The following HPSE2 variants were observed in gnomAD, a reference collection of about 807,000 sequenced individuals.
HPSE2 encodes inactive heparanase-2.
HPSE2 carries 38 observed loss-of-function variants against 60.5 expected under a neutral mutation model. That is an observed-to-expected ratio of 0.63 (90% CI 0.48 to 0.82). The LOEUF (loss-of-function observed/expected upper bound fraction) is 0.82. Ranked by LOEUF, HPSE2 falls within the 40% of genes least tolerant of loss-of-function variation. The pLI is 0.00. For missense variants in HPSE2, 713 were observed against 740.4 expected (o/e 0.96, Z 0.43); for synonymous variants, 295 against 293.2 (o/e 1.01, Z -0.06).
At chr10:98,770,950 T>C (rs914311783) in intron 3 of HPSE2, among the ~76,000 whole-genome samples, 3 of 152,122 alleles carry the variant, frequency 2.0e-5, no homozygotes, top group Non-Finnish European at 4.4e-5. Flanking sequence ...ATTTCATTAG[T>C]GGTTATCTAA....
intron 7 of HPSE2, among the ~76,000 whole-genome samples, chr10:98,628,384 A>C (rs1946273831): frequency 6.6e-6 from 1 of 152,204 alleles, no homozygotes; most frequent in South Asian, 2.1e-4. Flanking sequence ...TGAGGGCTAT[A>C]GTTCAACACT....
At chr10:98,677,151 A>C (rs1947665416) in intron 6 of HPSE2, among the ~76,000 whole-genome samples, 1 of 152,200 alleles carries the variant, frequency 6.6e-6, no homozygotes, top group African/African-American at 2.4e-5. Flanking sequence ...CTAGAGGGAG[A>C]AACTCCTTGC....
At chr10:98,742,974 C>CTTTTTT (rs35772316) in intron 4 of HPSE2, among the ~76,000 whole-genome samples, 38 of 99,764 alleles carry the variant, frequency 3.8e-4, no homozygotes, top group South Asian at 6.5e-4. Context: ...CTTTTCTTTT[C>CTTTTTT]TTTTTTTTTT....
chr10:98,953,287 T>A (rs1270180756), intron 3 of HPSE2, among the ~76,000 whole-genome samples: 1 of 152,166 alleles, frequency 6.6e-6, no homozygotes, highest in Non-Finnish European at 1.5e-5. Flanking sequence ...TGGGATAGGA[T>A]TCTTCCCACA....
chr10:98,878,924 A>T (rs949898332), intron 3 of HPSE2, among the ~76,000 whole-genome samples: 9 of 151,994 alleles, frequency 5.9e-5, no homozygotes, highest in Admixed American at 2.0e-4. Context: ...AGGATAGATT[A>T]AATATCTGGC....
chr10:98,634,906 G>A (rs1946456703), intron 7 of HPSE2, among the ~76,000 whole-genome samples: 1 of 152,178 alleles, frequency 6.6e-6, no homozygotes, highest in African/African-American at 2.4e-5. Context: ...ACTTTTAGGT[G>A]TTAGCCTCAA....
At chr10:99,244,044 C>T in the HPSE2 span, among the ~76,000 whole-genome samples, 2 of 152,074 alleles carry the variant, frequency 1.3e-5, no homozygotes, top group African/African-American at 2.4e-5. Flanking sequence ...TGACTAGCTA[C>T]GACTGTATTT....
chr10:98,986,704 G>A (rs1479710892), intron 3 of HPSE2, among the ~76,000 whole-genome samples: 1 of 149,520 alleles, frequency 6.7e-6, no homozygotes, highest in African/African-American at 2.4e-5. Flanking sequence ...GAATCCAGGA[G>A]CTGGTTTTTT....
chr10:99,025,710 G>A (rs756451456), intron 3 of HPSE2, among the ~76,000 whole-genome samples: 67 of 152,076 alleles, frequency 4.4e-4, no homozygotes, highest in Non-Finnish European at 1.0e-4. Flanking sequence ...AGTGGGGAGG[G>A]TAGGAAGAGG....
At chr10:98,825,945 T>G (rs943869367) in intron 3 of HPSE2, among the ~76,000 whole-genome samples, 3 of 149,854 alleles carry the variant, frequency 2.0e-5, no homozygotes, top group Non-Finnish European at 4.5e-5. Context: ...CTCTGACCAC[T>G]AAATTAACCA....
chr10:98,629,581 C>T (rs1018588353), intron 7 of HPSE2, among the ~76,000 whole-genome samples: 3 of 152,166 alleles, frequency 2.0e-5, no homozygotes. Flanking sequence ...CCTCACTGCC[C>T]CTCCCTGAGT....
intron 3 of HPSE2, among the ~76,000 whole-genome samples, chr10:99,128,100 A>G (rs2862513): frequency 0.49 from 74,867 of 151,990 alleles, 20,919 homozygotes; most frequent in East Asian, 0.65. Flanking sequence ...AACACAAGGT[A>G]TTCAGGCAAC....
chr10:99,171,143 T>C (rs1246031268), intron 2 of HPSE2, among the ~76,000 whole-genome samples: 1 of 152,178 alleles, frequency 6.6e-6, no homozygotes, highest in Non-Finnish European at 1.5e-5. Flanking sequence ...GTGATATACC[T>C]AGCTTGAAGA....
At chr10:98,947,010 C>CA (rs35558936) in intron 3 of HPSE2, among the ~76,000 whole-genome samples, 1 of 151,496 alleles carries the variant, frequency 6.6e-6, no homozygotes, top group Non-Finnish European at 1.5e-5. Context: ...ATAAGGAGTG[C>CA]CACTAGTGAT....
intron 6 of HPSE2, among the ~76,000 whole-genome samples, chr10:98,645,622 T>G (rs1205192942): frequency 6.6e-6 from 1 of 152,216 alleles, no homozygotes; most frequent in African/African-American, 2.4e-5. Flanking sequence ...TATATTGTAC[T>G]ATGGAAATAT....
chr10:98,632,779 T>C (rs569476680), intron 7 of HPSE2, among the ~76,000 whole-genome samples: 11 of 152,340 alleles, frequency 7.2e-5, no homozygotes, highest in African/African-American at 2.4e-4. Context: ...TTCCTTGTTT[T>C]ATTTTCCTTA....
rs1023844303 is a variant in HPSE2, at chr10:99,235,660, G to A, written c.143C>T (p.Pro48Leu). ...SSQAGDRRPLPVDRAAGLKEK... is the reference protein window; with the variant it reads ...SSQAGDRRPLLVDRAAGLKEK... ...CTTCAAACCTGCAGCTCTGTCTACA[G>A]GCAAGGGTCTCCTGTCTCCAGCCTG... is the stretch of plus-strand genomic sequence containing the variant. Residue 48 changes from proline to leucine, a missense_variant, in exon 1 of 12, where the codon CCT becomes CTT. Coordinates refer to ENST00000370552, the MANE Select transcript of HPSE2 (RefSeq NM_021828.5). 1.2e-6 allele frequency: 2 copies of A among 1,613,884 alleles called. No homozygotes were observed. The highest frequency in any genetic ancestry group is 3.3e-4 in the Middle Eastern group (2 of 6,084).
intron 6 of HPSE2, among the ~76,000 whole-genome samples, chr10:98,667,451 CA>C (rs1272520385): frequency 1.3e-5 from 2 of 152,090 alleles, no homozygotes; most frequent in Non-Finnish European, 2.9e-5. Flanking sequence ...ATCCTGATAC[CA>C]AAATCTGGCA....
At chr10:98,648,039 A>G (rs1946820232) in intron 6 of HPSE2, among the ~76,000 whole-genome samples, 1 of 152,210 alleles carries the variant, frequency 6.6e-6, no homozygotes, top group Non-Finnish European at 1.5e-5. Context: ...AAAGGCAAAT[A>G]ATGTCTTTAA....
Sources: allele counts gnomAD v4.1 joint callset (sites outside exome capture counted in the v4.1 genomes callset), GRCh38; gene constraint gnomAD v4.1.1; transcripts MANE v1.5; gene names NCBI Gene and HGNC (gene_info 2026-07-23, HGNC 2026-07-21).